Variants in MSI2 observed in about 807,000 individuals in gnomAD.
The protein encoded by MSI2 is musashi RNA binding protein 2.
A neutral mutation model predicts 45.6 loss-of-function variants in MSI2; 17 were observed. That is an observed-to-expected ratio of 0.37 (90% confidence interval 0.26 to 0.56). The LOEUF is 0.56. Among genes scored for constraint, MSI2 ranks in the 20% least tolerant of loss-of-function variants. The pLI, the probability that MSI2 is intolerant of heterozygous loss-of-function variation, is 0.77. For missense variants in MSI2, 293 were observed against 444.2 expected (o/e 0.66, Z 3.06); for synonymous variants, 156 against 158.2 (o/e 0.99, Z 0.11).
intron 5 of MSI2, among the ~76,000 whole-genome samples, chr17:57,292,453 G>T (rs1910506990): frequency 6.6e-6 from 1 of 152,212 alleles, no homozygotes. Flanking sequence ...ACTCTCCCAT[G>T]TGCCTTAGAC....
At chr17:57,562,292 TTA>T (rs1294759529) in intron 7 of MSI2, among the ~76,000 whole-genome samples, 1 of 152,198 alleles carries the variant, frequency 6.6e-6, no homozygotes, top group Non-Finnish European at 1.5e-5. Flanking sequence ...GCCAAGAAGC[TTA>T]TGTGTCTAGA....
intron 6 of MSI2, among the ~76,000 whole-genome samples, chr17:57,485,369 G>A (rs2085731609): frequency 2.0e-5 from 3 of 152,304 alleles, no homozygotes; most frequent in South Asian, 2.1e-4. Flanking sequence ...CCTGGTTAAC[G>A]TATGAAGCTT....
intron 5 of MSI2, among the ~76,000 whole-genome samples, chr17:57,284,454 G>GA (rs1442277275): frequency 6.6e-6 from 1 of 152,186 alleles, no homozygotes; most frequent in Non-Finnish European, 1.5e-5. Context: ...AGGTGTGCCT[G>GA]TGTGTTTTTT....
chr17:57,653,272 AG>A (rs2144689844), intron 11 of MSI2, among the ~76,000 whole-genome samples: 1 of 152,300 alleles, frequency 6.6e-6, no homozygotes, highest in East Asian at 1.9e-4. Context: ...CGAGCTACAA[AG>A]GATCCACTCC....
chr17:57,696,727 C>G, the MSI2 span, among the ~76,000 whole-genome samples: 1 of 152,120 alleles, frequency 6.6e-6, no homozygotes, highest in African/African-American at 2.4e-5. Context: ...AGAGCAAGAC[C>G]TTATCTCTAA....
intron 7 of MSI2, among the ~76,000 whole-genome samples, chr17:57,555,256 G>A (rs2087405645): frequency 1.3e-5 from 2 of 152,142 alleles, no homozygotes; most frequent in African/African-American, 2.4e-5. Context: ...GCCATGCTCT[G>A]TTTCAGACAC....
In MSI2 at chr17:57,680,457, G is replaced by A. The variant is rs1331948330; in HGVS notation, c.*940G>A. 7 of 229,242 alleles carry A rather than the reference G, an allele frequency of 3.1e-5. No homozygotes were observed. Among genetic ancestry groups the A allele is most frequent in the Middle Eastern group, 1.3e-3 (1 of 770 alleles). The allele number at this position is 229,242 out of a possible 1,614,324, so 14.2% of individuals were successfully genotyped here. On this transcript the variant is annotated 3_prime_UTR_variant, in exon 14 of 14. Coordinates refer to ENST00000284073, the MANE Select transcript of MSI2 (RefSeq NM_138962.4). ...AGTTTGATGCTCTGTGGAAGGAGGC[G>A]GGAAGGGAACGTTGGCCAAGTCAGT...
chr17:57,344,719 A>G (rs1166319906), intron 5 of MSI2, among the ~76,000 whole-genome samples: 1 of 152,166 alleles, frequency 6.6e-6, no homozygotes, highest in African/African-American at 2.4e-5. Context: ...ATGGGTTCAC[A>G]CCACACCTCC....
At chr17:57,406,072 C>T (rs1382436894) in intron 6 of MSI2, among the ~76,000 whole-genome samples, 1 of 152,304 alleles carries the variant, frequency 6.6e-6, no homozygotes, top group African/African-American at 2.4e-5. Context: ...TCAGAAGGAG[C>T]AGGTTTTGTT....
intron 6 of MSI2, among the ~76,000 whole-genome samples, chr17:57,525,845 G>A (rs117941903): frequency 0.024 from 3,599 of 152,310 alleles, 68 homozygotes; most frequent in Non-Finnish European, 0.037. Flanking sequence ...GCAGGTGAGC[G>A]CGTTGTCAAC....
intron 7 of MSI2, among the ~76,000 whole-genome samples, chr17:57,588,020 C>T (rs186413717): frequency 2.6e-4 from 40 of 152,120 alleles, no homozygotes; most frequent in African/African-American, 7.7e-4. Flanking sequence ...GGAGGGGCTG[C>T]GATGCCACCC....
intron 10 of MSI2, among the ~76,000 whole-genome samples, chr17:57,639,596 G>A (rs1910094684): frequency 6.6e-6 from 1 of 152,252 alleles, no homozygotes; most frequent in African/African-American, 2.4e-5. Context: ...GCCAGGGCTG[G>A]CTGCCTTTGA....
At chr17:57,468,536 A>AC (rs1429616051) in intron 6 of MSI2, among the ~76,000 whole-genome samples, 2 of 151,514 alleles carry the variant, frequency 1.3e-5, no homozygotes, top group South Asian at 2.1e-4. Context: ...AAAAAAAAAA[A>AC]AACAAGCAGT....
chr17:57,523,343 C>T (rs780944176), intron 6 of MSI2, among the ~76,000 whole-genome samples: 11 of 152,202 alleles, frequency 7.2e-5, no homozygotes, highest in Non-Finnish European at 1.6e-4. Flanking sequence ...CCACCACGCC[C>T]GGCCTGCATT....
chr17:57,262,322 G>T, intron 5 of MSI2, 130 bp downstream of exon 5: 3 of 985,996 alleles, frequency 3.0e-6, no homozygotes, highest in Non-Finnish European at 4.7e-6. Flanking sequence ...ATCAGGACAG[G>T]CTGGGCAAGT....
chr17:57,513,598 G>A (rs1190919697), intron 6 of MSI2, among the ~76,000 whole-genome samples: 1 of 152,226 alleles, frequency 6.6e-6, no homozygotes, highest in South Asian at 2.1e-4. Context: ...GCAAAAGACA[G>A]GACTATATGC....
intron 6 of MSI2, among the ~76,000 whole-genome samples, chr17:57,513,860 T>G (rs1474624315): frequency 6.6e-6 from 1 of 152,108 alleles, no homozygotes; most frequent in Non-Finnish European, 1.5e-5. Context: ...GGAGCTAAAG[T>G]AGGAAAAATT....
intron 5 of MSI2, among the ~76,000 whole-genome samples, chr17:57,284,870 T>C (rs1430479783): frequency 6.6e-6 from 1 of 151,776 alleles, no homozygotes; most frequent in African/African-American, 2.4e-5. Context: ...GGGTTTACCC[T>C]ATGCCCTCCT....
Position 57,616,287 on chromosome 17 carries a change from G to A in MSI2, c.652+203G>A, listed in dbSNP as rs1907697231. On this transcript the variant is annotated intron_variant, in intron 9 of 13. Transcript: ENST00000284073. ...GGTGTGTGTGTGTGCATGCATGTGT[G>A]TGTGTGTGTGTGTGTGTTTGTATTT... is the stretch of plus-strand genomic sequence containing the variant. 8.8e-6 allele frequency: 4 copies of A among 456,670 alleles called. No individual in the cohort carries two copies. In the South Asian group the frequency reaches 1.2e-4, roughly 14 times the overall value. The allele number at this position is 456,670 out of a possible 1,614,324, so 28.3% of individuals were successfully genotyped here.
Sources: allele counts gnomAD v4.1 joint callset (sites outside exome capture counted in the v4.1 genomes callset), GRCh38; gene constraint gnomAD v4.1.1; transcripts MANE v1.5; gene names NCBI Gene and HGNC (gene_info 2026-07-23, HGNC 2026-07-21).